Variants in SLC25A13 observed in about 807,000 individuals in gnomAD.
SLC25A13 encodes solute carrier family 25 member 13.
SLC25A13 carries 70 observed loss-of-function variants against 85.5 expected under a neutral mutation model. The ratio of observed to expected loss-of-function variants is 0.82; its 90% CI spans 0.68 to 1.00. The LOEUF is 1.00. Among genes scored for constraint, SLC25A13 ranks in the 50% least tolerant of loss-of-function variants. The probability of loss-of-function intolerance (pLI) is 0.00; values close to 1 mark genes in which losing one functional copy is unlikely to be tolerated. For missense variants in SLC25A13, 765 were observed against 819.8 expected (o/e 0.93, Z 0.82); for synonymous variants, 259 against 288.7 (o/e 0.90, Z 1.04).
chr7:96,234,785 A>G lies in SLC25A13; in HGVS notation c.328+17T>C. The G allele has an allele frequency of 1.3e-6, 2 of 1,590,780 alleles. No individual in the cohort carries two copies. Among genetic ancestry groups the G allele is most frequent in the Middle Eastern group, 1.7e-4 (1 of 6,006 alleles). On this transcript the variant is annotated intron_variant, in intron 4 of 17. Coordinates refer to ENST00000265631, the MANE Select transcript of SLC25A13 (RefSeq NM_014251.3). ...AGTCCACACTTACACAGACGTGCAC[A>G]GAAGCATGCTTCTTACCAAAAGTTA... is the stretch of plus-strand genomic sequence containing the variant.
chr7:96,298,233 TTC>T (rs1799423390), intron 1 of SLC25A13, among the ~76,000 whole-genome samples: 1 of 152,066 alleles, frequency 6.6e-6, no homozygotes, highest in Admixed American at 6.5e-5. Flanking sequence ...GGACAATGAG[TTC>T]TCTGTCTCTA....
intron 11 of SLC25A13, among the ~76,000 whole-genome samples, chr7:96,173,378 C>T (rs1794087889): frequency 6.6e-6 from 1 of 152,188 alleles, no homozygotes; most frequent in Non-Finnish European, 1.5e-5. Context: ...TTCCAAGTTA[C>T]CTAGCTGTTA....
At chr7:96,197,323 G>A (rs1795100392) in intron 5 of SLC25A13, among the ~76,000 whole-genome samples, 1 of 152,136 alleles carries the variant, frequency 6.6e-6, no homozygotes. Context: ...AAGGCAAAGG[G>A]CTTCTGTACA....
At chr7:96,186,424 C>T (rs953565842) in intron 9 of SLC25A13, among the ~76,000 whole-genome samples, 9 of 151,996 alleles carry the variant, frequency 5.9e-5, no homozygotes, top group South Asian at 2.1e-4. Context: ...AGTGAAACTC[C>T]GTCTCAAAAA....
At chr7:96,169,517 T>A (rs1268297219) in intron 13 of SLC25A13, among the ~76,000 whole-genome samples, 5 of 152,138 alleles carry the variant, frequency 3.3e-5, no homozygotes, top group Non-Finnish European at 7.4e-5. Context: ...TTCATCCATA[T>A]AAGGAAACAA....
At chr7:96,159,472 G>A (rs1473460533) in intron 13 of SLC25A13, among the ~76,000 whole-genome samples, 4 of 152,138 alleles carry the variant, frequency 2.6e-5, no homozygotes, top group Non-Finnish European at 4.4e-5. Context: ...GGGTGACCAC[G>A]TGAGGACACA....
intron 11 of SLC25A13, among the ~76,000 whole-genome samples, chr7:96,175,169 G>A (rs1465670752): frequency 1.3e-5 from 2 of 152,176 alleles, no homozygotes; most frequent in African/African-American, 2.4e-5. Context: ...CAAAGAAGAG[G>A]AGATATTTGC....
chr7:96,204,720 C>T (rs1255520502), intron 5 of SLC25A13, among the ~76,000 whole-genome samples: 1 of 151,946 alleles, frequency 6.6e-6, no homozygotes, highest in Non-Finnish European at 1.5e-5. Flanking sequence ...GTGGATATAC[C>T]CAGATACAAG....
intron 11 of SLC25A13, among the ~76,000 whole-genome samples, chr7:96,177,027 A>C (rs1794248428): frequency 1.3e-5 from 2 of 152,188 alleles, no homozygotes; most frequent in Admixed American, 1.3e-4. Flanking sequence ...TAATTATATG[A>C]ATAAGTGTAC....
intron 1 of SLC25A13, among the ~76,000 whole-genome samples, chr7:96,300,686 C>CA (rs368520588): frequency 1.7e-3 from 260 of 152,290 alleles, no homozygotes; most frequent in African/African-American, 5.8e-3. Context: ...ACCCTACCCC[C>CA]AACCCAGAGT....
intron 4 of SLC25A13, among the ~76,000 whole-genome samples, chr7:96,210,504 A>G (rs1453036076): frequency 6.6e-6 from 1 of 152,216 alleles, no homozygotes; most frequent in Non-Finnish European, 1.5e-5. Flanking sequence ...TTCAAATTCT[A>G]CTAACAGCAG....
intron 3 of SLC25A13, among the ~76,000 whole-genome samples, chr7:96,251,456 G>A (rs760835414): frequency 1.3e-5 from 2 of 152,212 alleles, no homozygotes; most frequent in Non-Finnish European, 2.9e-5. Context: ...GATTTGGTGA[G>A]AAGTTATTAC....
chr7:96,175,755 G>A (rs988599038), intron 11 of SLC25A13, among the ~76,000 whole-genome samples: 4 of 152,226 alleles, frequency 2.6e-5, no homozygotes, highest in African/African-American at 9.6e-5. Context: ...GGCAGGTGAA[G>A]GATAGTTTGC....
At chr7:96,137,051 T>A (rs1044163708) in intron 14 of SLC25A13, among the ~76,000 whole-genome samples, 5 of 152,188 alleles carry the variant, frequency 3.3e-5, no homozygotes, top group Admixed American at 3.3e-4. Flanking sequence ...ATGTCATGAC[T>A]TGATCCCTTA....
Position 96,154,795 on chromosome 7 carries a change from C to CTT in SLC25A13, c.1312-8101_1312-8100dup, listed in dbSNP as rs199642402. Among the ~76,000 whole-genome samples, 720 of 122,358 alleles carry CTT rather than the reference C, an allele frequency of 5.9e-3. 13 individuals are homozygous for CTT. Among genetic ancestry groups the CTT allele is most frequent in the African/African-American group, 0.024 (679 of 28,234 alleles). The allele number at this position is 122,358 out of a possible 152,430, so 80.3% of individuals were successfully genotyped here. A position where few individuals can be genotyped will look rare whatever the true frequency, so the allele number is the denominator to read the frequency against. On this transcript the variant is annotated intron_variant, in intron 13 of 17. Coordinates refer to ENST00000265631, the MANE Select transcript of SLC25A13 (RefSeq NM_014251.3). ...GGCTGGTTTTGATACATTTCAGCATCTTTTTCTTTTTTTTTTTTTTAAGAC... is the reference window on the plus strand; with the variant it reads ...GGCTGGTTTTGATACATTTCAGCATCTTTTTTTCTTTTTTTTTTTTTTAAGAC...
At chr7:96,241,068 AAGAAAGAAAGAAAGAAAGAAAG>A (rs1796971383) in intron 3 of SLC25A13, among the ~76,000 whole-genome samples, 1 of 149,590 alleles carries the variant, frequency 6.7e-6, no homozygotes, top group South Asian at 2.2e-4. Context: ...GAAAGAAAGA[AAGAAAGAAAGAAAGAAAGAAAG>A]AAAGAAAGAA....
At chr7:96,250,737 T>TATAAAAAAAAA (rs1280378801) in intron 3 of SLC25A13, among the ~76,000 whole-genome samples, 1 of 30,030 alleles carries the variant, frequency 3.3e-5, no homozygotes, top group African/African-American at 1.4e-4. Context: ...TTAGACCTGT[T>TATAAAAAAAAA]ACAAAAAAAA....
At chr7:96,180,758 T>C (rs571439219) in intron 11 of SLC25A13, among the ~76,000 whole-genome samples, 1 of 152,376 alleles carries the variant, frequency 6.6e-6, no homozygotes, top group South Asian at 2.1e-4. Flanking sequence ...CAGAAATTAT[T>C]TATTCCTGGA....
rs2116662640 is a variant in SLC25A13, at chr7:96,193,057, C to T, written c.595G>A (p.Val199Ile). ...CTTACAGCTACTAGACATTCTTCTA[C>T]AAAAGGAGTCAAGACATGGGGGCGG... The part of the protein sequence containing the change: ...TIRPHVLTPF[V>I]EECLVAAAGG... Residue 199 changes from valine to isoleucine, a missense_variant, in exon 6 of 18, where the codon GTA becomes ATA. Coordinates refer to ENST00000265631, the MANE Select transcript of SLC25A13 (RefSeq NM_014251.3). The T allele has an allele frequency of 2.5e-6, 4 of 1,613,970 alleles. No individual in the cohort carries two copies. Among genetic ancestry groups the T allele is most frequent in the Non-Finnish European group, 3.4e-6 (4 of 1,179,978 alleles).
Sources: allele counts gnomAD v4.1 joint callset (sites outside exome capture counted in the v4.1 genomes callset), GRCh38; gene constraint gnomAD v4.1.1; transcripts MANE v1.5; gene names NCBI Gene and HGNC (gene_info 2026-07-23, HGNC 2026-07-21).